Variants in TAMM41 observed in about 807,000 individuals in gnomAD.
TAMM41 encodes phosphatidate cytidylyltransferase, mitochondrial.
A neutral mutation model predicts 44.1 loss-of-function variants in TAMM41; 36 were observed. The ratio of observed to expected loss-of-function variants is 0.82; its 90% CI spans 0.63 to 1.08. The LOEUF (loss-of-function observed/expected upper bound fraction) is 1.08, where lower values mean the gene tolerates loss of function less well. TAMM41 is among the 50% of genes least tolerant of loss of function. TAMM41 has a pLI of 0.00. For missense variants in TAMM41, 417 were observed against 404.3 expected, an observed-to-expected ratio of 1.03 and a Z score of -0.27; for synonymous variants, 164 against 153.1, an observed-to-expected ratio of 1.07 and a Z score of -0.53.
chr3:11,809,615 A>G lies in TAMM41; in HGVS notation c.776T>C (p.Ile259Thr), dbSNP rs1430063953. ...MTLPKTLQQQ[I>T]NHIMDPPGKN... is the part of the protein sequence containing the mutation. ...TCCAGGAGGGTCCATAATATGATTT[A>G]TCTGTTGCTGTAAGGTTTTGGGCAA... The change falls in exon 6 of 8, where the codon ATA becomes ACA. Residue 259 changes from isoleucine to threonine, a missense_variant. Coordinates refer to ENST00000455809, the MANE Select transcript of TAMM41 (RefSeq NM_001284401.2). The G allele has an allele frequency of 1.9e-6, 3 of 1,614,008 alleles. No individual in the cohort carries two copies.
chr3:11,758,705 G>T, the TAMM41 span, among the ~76,000 whole-genome samples: 4 of 151,432 alleles, frequency 2.6e-5, no homozygotes, highest in Non-Finnish European at 4.4e-5. Context: ...ATGGAATCTT[G>T]CTGTGTTGCC....
intron 3 of TAMM41, among the ~76,000 whole-genome samples, chr3:11,831,040 A>C (rs778007161): frequency 3.3e-5 from 5 of 152,234 alleles, no homozygotes; most frequent in Non-Finnish European, 5.9e-5. Context: ...AGTAAATAAC[A>C]GAATCAAGCT....
the TAMM41 span, among the ~76,000 whole-genome samples, chr3:11,775,957 T>A: frequency 6.6e-6 from 1 of 152,110 alleles, no homozygotes; most frequent in African/African-American, 2.4e-5. Context: ...TGTTTGCAAA[T>A]GTTTTTCTTT....
chr3:11,725,454 C>CCTCCTT, the TAMM41 span, among the ~76,000 whole-genome samples: 6,025 of 137,650 alleles, frequency 0.044, 441 homozygotes, highest in African/African-American at 0.14. Context: ...TCCTCCTCCT[C>CCTCCTT]CTTCTTCTTC....
the TAMM41 span, among the ~76,000 whole-genome samples, chr3:11,784,725 A>G: frequency 6.6e-6 from 1 of 152,238 alleles, no homozygotes; most frequent in East Asian, 1.9e-4. Context: ...TCACCCACAG[A>G]TGAATACAGT....
chr3:11,758,207 C>T, the TAMM41 span, among the ~76,000 whole-genome samples: 1 of 152,180 alleles, frequency 6.6e-6, no homozygotes, highest in African/African-American at 2.4e-5. Context: ...TCAAGGTAAG[C>T]GGGAGCTGCT....
the TAMM41 span, among the ~76,000 whole-genome samples, chr3:11,760,345 C>T: frequency 3.3e-5 from 5 of 152,310 alleles, no homozygotes; most frequent in East Asian, 5.8e-4. Context: ...CTCTTGAGCT[C>T]TCTTCAAGCC....
At chr3:11,723,102 G>A in the TAMM41 span, among the ~76,000 whole-genome samples, 2 of 148,396 alleles carry the variant, frequency 1.3e-5, no homozygotes, top group Non-Finnish European at 3.0e-5. Flanking sequence ...CAGCCTAGGC[G>A]ACAGAGCTGA....
At chr3:11,734,930 T>C in the TAMM41 span, among the ~76,000 whole-genome samples, 3 of 148,700 alleles carry the variant, frequency 2.0e-5, no homozygotes, top group African/African-American at 7.5e-5. Flanking sequence ...GCGCCTGTCG[T>C]CCCAGCTATT....
chr3:11,839,187 G>A (rs1450439173), intron 3 of TAMM41, 35 bp downstream of exon 3: 1 of 1,359,836 alleles, frequency 7.4e-7, no homozygotes, highest in Admixed American at 1.8e-5. Context: ...AGAGAGGAAA[G>A]GCATCCTTAA....
chr3:11,759,312 A>G, the TAMM41 span, among the ~76,000 whole-genome samples: 1 of 151,948 alleles, frequency 6.6e-6, no homozygotes, highest in African/African-American at 2.4e-5. Context: ...TTCTTTCAGG[A>G]AACACCTAGA....
intron 3 of TAMM41, among the ~76,000 whole-genome samples, chr3:11,830,102 C>T (rs1342059103): frequency 6.6e-6 from 1 of 152,136 alleles, no homozygotes; most frequent in Non-Finnish European, 1.5e-5. Flanking sequence ...AACAAATATT[C>T]TTCTTAAATG....
chr3:11,759,854 A>G, the TAMM41 span, among the ~76,000 whole-genome samples: 2 of 152,038 alleles, frequency 1.3e-5, no homozygotes, highest in South Asian at 2.1e-4. Flanking sequence ...CGCGCCTGTA[A>G]TCCCAGCTAT....
the TAMM41 span, among the ~76,000 whole-genome samples, chr3:11,744,945 C>A: frequency 6.6e-6 from 1 of 151,324 alleles, no homozygotes; most frequent in Non-Finnish European, 1.5e-5. Flanking sequence ...CTCACTGCAA[C>A]CTCCACCTCC....
intron 4 of TAMM41, 100 bp from the exon 5 acceptor site, chr3:11,817,437 G>C: frequency 3.2e-6 from 4 of 1,239,560 alleles, no homozygotes; most frequent in Non-Finnish European, 4.4e-6. Flanking sequence ...GTTCACTCTG[G>C]CAGGATCCCT....
the TAMM41 span, among the ~76,000 whole-genome samples, chr3:11,760,568 T>C: frequency 9.2e-5 from 14 of 152,178 alleles, 1 homozygote; most frequent in Admixed American, 1.3e-4. Flanking sequence ...TTTTGTTTTG[T>C]TTTGTTTTTT....
chr3:11,788,353 G>A (rs978188225), downstream of TAMM41, among the ~76,000 whole-genome samples: 16 of 152,150 alleles, frequency 1.1e-4, 1 homozygote, highest in Admixed American at 4.6e-4. Context: ...GGAATACAGC[G>A]GCACAATCAC....
the TAMM41 span, among the ~76,000 whole-genome samples, chr3:11,741,219 A>AAAAT: frequency 7.1e-6 from 1 of 141,376 alleles, no homozygotes; most frequent in Admixed American, 6.9e-5. Context: ...ACCGTCTCAA[A>AAAAT]AAAAAAAAAA....
the TAMM41 span, among the ~76,000 whole-genome samples, chr3:11,770,489 A>G: frequency 1.4e-4 from 21 of 152,292 alleles, no homozygotes; most frequent in African/African-American, 4.8e-4. Context: ...ACTTGCAAGC[A>G]TTTTTGGCTT....
Sources: allele counts gnomAD v4.1 joint callset (sites outside exome capture counted in the v4.1 genomes callset), GRCh38; gene constraint gnomAD v4.1.1; transcripts MANE v1.5; gene names NCBI Gene and HGNC (gene_info 2026-07-23, HGNC 2026-07-21).